Variants in CPQ observed in about 807,000 individuals in gnomAD.
CPQ encodes carboxypeptidase Q, also known as Ser-Met dipeptidase.
CPQ carries 37 observed loss-of-function variants against 45.7 expected under a neutral mutation model. The observed-to-expected ratio is 0.81, with a 90% CI of 0.62 to 1.07. The LOEUF (loss-of-function observed/expected upper bound fraction) is 1.07. CPQ is among the 50% of genes least tolerant of loss of function. The pLI, the probability that CPQ is intolerant of heterozygous loss-of-function variation, is 0.00. For synonymous variants in CPQ, 186 were observed against 205.8 expected, an observed-to-expected ratio of 0.90 and a Z score of 0.82; for missense variants, 537 against 572.9, an observed-to-expected ratio of 0.94 and a Z score of 0.64.
chr8:96,957,704 C>T (rs929533221), intron 4 of CPQ, among the ~76,000 whole-genome samples: 12 of 151,750 alleles, frequency 7.9e-5, no homozygotes, highest in African/African-American at 2.7e-4. Context: ...GAGGATGAGG[C>T]ATGAGAATCA....
chr8:97,039,880 C>A (rs1469966632), intron 6 of CPQ, among the ~76,000 whole-genome samples: 26 of 151,526 alleles, frequency 1.7e-4, no homozygotes, highest in African/African-American at 6.3e-4. Flanking sequence ...TCCAGTCTAT[C>A]ATTGTTGGAC....
intron 3 of CPQ, among the ~76,000 whole-genome samples, chr8:96,874,825 A>G (rs1812124021): frequency 2.0e-5 from 3 of 151,914 alleles, no homozygotes; most frequent in African/African-American, 7.2e-5. Context: ...TCATGTGGGC[A>G]TATATTTTCA....
chr8:96,742,949 G>T (rs187309903), intron 1 of CPQ, among the ~76,000 whole-genome samples: 2 of 152,194 alleles, frequency 1.3e-5, no homozygotes, highest in East Asian at 3.9e-4. Context: ...TGACAATTAT[G>T]TGTCTTGGTG....
intron 2 of CPQ, among the ~76,000 whole-genome samples, chr8:96,825,292 G>A (rs1333034045): frequency 6.6e-6 from 1 of 152,012 alleles, no homozygotes. Flanking sequence ...CTTTCCCTGG[G>A]CCTATAGTTA....
At chr8:97,078,775 C>CTCTCTCTCTCTCTT (rs1563574449) in intron 7 of CPQ, among the ~76,000 whole-genome samples, 5 of 138,440 alleles carry the variant, frequency 3.6e-5, no homozygotes, top group Non-Finnish European at 7.5e-5. Flanking sequence ...CTCTCTCTCT[C>CTCTCTCTCTCTCTT]TCTCTCTCTC....
intron 7 of CPQ, among the ~76,000 whole-genome samples, chr8:97,073,718 AG>A (rs1810796063): frequency 6.6e-6 from 1 of 152,110 alleles, no homozygotes; most frequent in Non-Finnish European, 1.5e-5. Context: ...ATTGTGATGG[AG>A]GGGTGGGACA....
rs188029563 is a variant in CPQ at position 97,109,101 on chromosome 8, T to G, written c.1256-33919T>G. Among the ~76,000 whole-genome samples, 387 of 152,306 alleles carry G rather than the reference T, an allele frequency of 2.5e-3. 4 individuals carry two copies. The highest frequency in any genetic ancestry group is 9.0e-3 in the African/African-American group (374 of 41,572). On this transcript the variant is annotated intron_variant, in intron 7 of 7. Coordinates refer to ENST00000220763, the MANE Select transcript of CPQ (RefSeq NM_016134.4). ...ACTTTCTTGTACATCCTGAACCTAC[T>G]TCTCTTCTTCCTGACTTCCAGACCC...
intron 1 of CPQ, among the ~76,000 whole-genome samples, chr8:96,744,600 A>G (rs116209289): frequency 2.2e-4 from 34 of 152,104 alleles, no homozygotes; most frequent in Middle Eastern, 3.4e-3. Context: ...CTTGAAGTCT[A>G]TTTTGTCTCA....
intron 4 of CPQ, among the ~76,000 whole-genome samples, chr8:96,926,599 C>CTTCTTCTTG (rs1387447754): frequency 2.8e-5 from 4 of 145,226 alleles, no homozygotes; most frequent in Admixed American, 6.8e-5. Flanking sequence ...TCTTCTTCTT[C>CTTCTTCTTG]TTCTTCTTCT....
At chr8:96,807,277 C>T (rs954634938) in intron 2 of CPQ, among the ~76,000 whole-genome samples, 1 of 151,886 alleles carries the variant, frequency 6.6e-6, no homozygotes, top group African/African-American at 2.4e-5. Flanking sequence ...GCTCTGTCTC[C>T]CAGGCTGGAG....
intron 3 of CPQ, among the ~76,000 whole-genome samples, chr8:96,851,960 G>A (rs1811776927): frequency 6.6e-6 from 1 of 152,120 alleles, no homozygotes. Flanking sequence ...TTGGTTCTCT[G>A]TTATCTTCCA....
chr8:97,010,591 C>T (rs1809471197), intron 5 of CPQ, among the ~76,000 whole-genome samples: 2 of 152,168 alleles, frequency 1.3e-5, no homozygotes, highest in African/African-American at 4.8e-5. Context: ...ACCAGCTGCC[C>T]AGCTGTCTCT....
At chr8:96,687,084 T>A (rs893209045) in intron 1 of CPQ, among the ~76,000 whole-genome samples, 2 of 152,162 alleles carry the variant, frequency 1.3e-5, no homozygotes, top group Non-Finnish European at 2.9e-5. Flanking sequence ...AGGTTTTGTT[T>A]CGTGTTATTT....
At position 96,802,574 on chromosome 8, in the gene CPQ, G is replaced by A. The variant is rs112202677; in HGVS notation, c.433+17244G>A. 2.1e-3 allele frequency among the ~76,000 whole-genome samples: 326 copies of A among 152,180 alleles called. 2 individuals carry two copies. The highest frequency in any genetic ancestry group is 6.8e-3 in the African/African-American group (282 of 41,526). ...TTTCTTTTCCTTGAAAAATTTCATG[G>A]CAATTTCCAGGAAGTTTCAGAACTT... On this transcript the variant is annotated intron_variant, in intron 2 of 7. Transcript: ENST00000220763.
At chr8:97,102,129 A>T (rs1324553517) in intron 7 of CPQ, among the ~76,000 whole-genome samples, 1 of 152,166 alleles carries the variant, frequency 6.6e-6, no homozygotes, top group African/African-American at 2.4e-5. Context: ...AATGAATGTG[A>T]TTACTTGAGT....
chr8:97,081,510 T>A (rs1007857396), intron 7 of CPQ, among the ~76,000 whole-genome samples: 2 of 152,064 alleles, frequency 1.3e-5, no homozygotes, highest in African/African-American at 4.8e-5. Flanking sequence ...GGGGCCCCAC[T>A]CCCAGAGAGT....
intron 5 of CPQ, among the ~76,000 whole-genome samples, chr8:96,990,922 T>TATGTTAAATAA (rs1809082641): frequency 1.3e-5 from 2 of 152,182 alleles, no homozygotes; most frequent in Non-Finnish European, 2.9e-5. Context: ...TAGATATGCT[T>TATGTTAAATAA]GTTAGCTCCT....
At chr8:96,654,281 C>T (rs1432332664) in intron 1 of CPQ, among the ~76,000 whole-genome samples, 2 of 152,184 alleles carry the variant, frequency 1.3e-5, no homozygotes, top group Admixed American at 6.5e-5. Context: ...TATTTACAAT[C>T]GCTTTCATTA....
At chr8:97,112,992 G>C (rs1811522723) in intron 7 of CPQ, among the ~76,000 whole-genome samples, 1 of 152,176 alleles carries the variant, frequency 6.6e-6, no homozygotes, top group Non-Finnish European at 1.5e-5. Context: ...TGGACCATTG[G>C]GGTCACAAAT....
Sources: allele counts gnomAD v4.1 joint callset (sites outside exome capture counted in the v4.1 genomes callset), GRCh38; gene constraint gnomAD v4.1.1; transcripts MANE v1.5; gene names NCBI Gene and HGNC (gene_info 2026-07-23, HGNC 2026-07-21).